OPA3: variants seen among roughly 807,000 people sequenced by gnomAD.
OPA3 encodes the protein outer mitochondrial membrane lipid metabolism regulator OPA3.
In OPA3, 6 loss-of-function variants were observed where a neutral mutation model predicts 4.0. That is an observed-to-expected ratio of 1.51 (90% CI 0.83 to 2.99). The LOEUF (loss-of-function observed/expected upper bound fraction) is 2.99, where lower values mean the gene tolerates loss of function less well. Ranked by LOEUF, OPA3 falls within the 30% of genes most tolerant of loss-of-function variation. The probability of loss-of-function intolerance (pLI) is 0.00; values close to 1 mark genes in which losing one functional copy is unlikely to be tolerated. For missense variants in OPA3, 235 were observed against 256.2 expected (o/e 0.92, Z 0.56); for synonymous variants, 105 against 117.1 (o/e 0.90, Z 0.67).
chr19:45,550,949 T>G lies in OPA3; in HGVS notation c.*2565A>C. On this transcript the variant is annotated 3_prime_UTR_variant, in exon 2 of 2. Transcript: ENST00000263275. The stretch of plus-strand genomic sequence containing the variant: ...CAGGAAGGCCAAATGGCCCGCGGGG[T>G]TGGCAGGAGTCCCAGGGTACTTTTT... 1.0e-6 allele frequency: 1 copy of G among 985,296 alleles called. No individual in the cohort carries two copies. Among genetic ancestry groups the G allele is most frequent in the Non-Finnish European group, 1.2e-6 (1 of 829,960 alleles). The allele number at this position is 985,296 out of a possible 1,614,324, so 61.0% of individuals were successfully genotyped here.
chr19:45,541,915 A>G (rs7251522), downstream of OPA3, among the ~76,000 whole-genome samples: 105,677 of 152,024 alleles, frequency 0.7, 37,074 homozygotes, highest in South Asian at 0.86. Flanking sequence ...GACCCCTAGG[A>G]TCCATGTTAG....
chr19:45,528,983 C>T lies in OPA3; in HGVS notation c.*73G>A. On this transcript the variant is annotated 3_prime_UTR_variant, in exon 2 of 2. Transcript: ENST00000323060. The stretch of plus-strand genomic sequence containing the variant: ...TGGGCCGGTCCAGGATGGGACAGTG[C>T]GGAGAATAGGCCAAGACAGAGACTT... 4 of 1,514,286 alleles carry T rather than the reference C, an allele frequency of 2.6e-6. No homozygotes were observed. In the Admixed American group the frequency reaches 8.1e-5, roughly 31 times the overall value. The allele number at this position is 1,514,286 out of a possible 1,614,324, so 93.8% of individuals were successfully genotyped here.
intron 1 of OPA3, among the ~76,000 whole-genome samples, chr19:45,567,781 T>G (rs1969605332): frequency 6.6e-6 from 1 of 152,204 alleles, no homozygotes; most frequent in South Asian, 2.1e-4. Flanking sequence ...TTTCTCTCGC[T>G]TTGAGAGATT....
rs1043211100 is a variant in OPA3, at chr19:45,549,045, T to C, written c.*4469A>G. On this transcript the variant is annotated 3_prime_UTR_variant, in exon 2 of 2. Coordinates refer to ENST00000263275, the MANE Select transcript of OPA3 (RefSeq NM_025136.4). Reference sequence around the variant, plus strand: ...GTCTTGAACTCCTGACCTCAGGTGATCCACCCACCCTGGCCTCCCAAAGTG... The same window carrying C: ...GTCTTGAACTCCTGACCTCAGGTGACCCACCCACCCTGGCCTCCCAAAGTG... 3 of 842,786 alleles carry C rather than the reference T, an allele frequency of 3.6e-6. No individual in the cohort carries two copies. The African/African-American group carries it at 5.5e-5, about 16-fold the overall frequency. The allele number at this position is 842,786 out of a possible 1,614,324, so 52.2% of individuals were successfully genotyped here.
chr19:45,537,386 G>A (rs1195767650), intron 1 of OPA3, among the ~76,000 whole-genome samples: 2 of 61,116 alleles, frequency 3.3e-5, no homozygotes, highest in African/African-American at 8.5e-5. Context: ...GACAGAGCAA[G>A]ACTCTGTCTC....
intron 1 of OPA3, among the ~76,000 whole-genome samples, chr19:45,556,388 ACT>A: frequency 6.6e-6 from 1 of 150,714 alleles, no homozygotes; most frequent in East Asian, 1.9e-4. Context: ...ATGGGCTCTC[ACT>A]CTGTGGTCCA....
chr19:45,550,096 TG>T lies in OPA3; in HGVS notation c.*3417del. 3.2e-6 allele frequency: 2 copies of T among 618,834 alleles called. No homozygotes were observed. The highest frequency in any genetic ancestry group is 4.0e-6 in the Non-Finnish European group (2 of 495,096). The allele number at this position is 618,834 out of a possible 1,614,324, so 38.3% of individuals were successfully genotyped here. ...TTGGTTGAGCCTGGGAGGTAGAAGT[TG>T]CAGTGAGCCGAGATTGCACCACTGC... On this transcript the variant is annotated 3_prime_UTR_variant, in exon 2 of 2. Transcript: ENST00000263275.
intron 1 of OPA3, among the ~76,000 whole-genome samples, chr19:45,581,317 A>G (rs939997655): frequency 5.3e-5 from 8 of 152,108 alleles, no homozygotes; most frequent in African/African-American, 1.9e-4. Context: ...GGGGGAAAAA[A>G]AGTGCACTCC....
At chr19:45,584,493 C>T in intron 1 of OPA3, 130 bp downstream of exon 1, 4 of 1,570,136 alleles carry the variant, frequency 2.5e-6, no homozygotes, top group Non-Finnish European at 3.5e-6. Context: ...CAGAAACCCC[C>T]CACTATTGGC....
intron 1 of OPA3, among the ~76,000 whole-genome samples, chr19:45,555,848 T>C (rs1969413623): frequency 6.6e-6 from 1 of 152,038 alleles, no homozygotes; most frequent in Non-Finnish European, 1.5e-5. Flanking sequence ...CCTAGGCTGG[T>C]CTTGAACTCC....
intron 1 of OPA3, among the ~76,000 whole-genome samples, chr19:45,582,839 A>C (rs552984741): frequency 6.6e-6 from 1 of 152,262 alleles, no homozygotes; most frequent in South Asian, 2.1e-4. Context: ...CATAATTTCT[A>C]ATCTTGTGGC....
chr19:45,566,059 C>T (rs1214803206), intron 1 of OPA3, among the ~76,000 whole-genome samples: 5 of 152,006 alleles, frequency 3.3e-5, no homozygotes, highest in Non-Finnish European at 7.4e-5. Context: ...TATTAGCAAA[C>T]GAAAGCCAGC....
chr19:45,575,768 T>C (rs977253461), intron 1 of OPA3, among the ~76,000 whole-genome samples: 2 of 152,056 alleles, frequency 1.3e-5, no homozygotes, highest in African/African-American at 2.4e-5. Flanking sequence ...CATGCCCCAC[T>C]AATTGTTTTT....
chr19:45,581,533 G>T (rs776676754), intron 1 of OPA3, among the ~76,000 whole-genome samples: 1 of 152,162 alleles, frequency 6.6e-6, no homozygotes, highest in Non-Finnish European at 1.5e-5. Flanking sequence ...TCTGTCCCCC[G>T]CAGGACTAGG....
At chr19:45,577,971 G>A (rs1969793193) in intron 1 of OPA3, among the ~76,000 whole-genome samples, 2 of 152,186 alleles carry the variant, frequency 1.3e-5, no homozygotes, top group Non-Finnish European at 2.9e-5. Flanking sequence ...AGATTTTGAG[G>A]CCAGGCGTGG....
Position 45,553,452 on chromosome 19 carries a change from G to T in OPA3, c.*62C>A. The T allele has an allele frequency of 1.2e-6, 2 of 1,606,050 alleles. No homozygotes were observed. The highest frequency in any genetic ancestry group is 1.1e-5 in the South Asian group (1 of 90,978). The stretch of plus-strand genomic sequence containing the variant: ...GGGCCAGCGCAGGCAAGGGTGGTGC[G>T]GGAAGAAGGCCACGTTAGGTACATA... On this transcript the variant is annotated 3_prime_UTR_variant, in exon 2 of 2. Coordinates refer to ENST00000263275, the MANE Select transcript of OPA3 (RefSeq NM_025136.4).
intron 1 of OPA3, chr19:45,584,393 C>G: frequency 2.0e-6 from 2 of 985,380 alleles, no homozygotes; most frequent in Non-Finnish European, 2.4e-6. Flanking sequence ...CCTTTATCGG[C>G]TGGCATTTCC....
chr19:45,555,822 G>A (rs1352450869), intron 1 of OPA3, among the ~76,000 whole-genome samples: 1 of 151,938 alleles, frequency 6.6e-6, no homozygotes, highest in African/African-American at 2.4e-5. Context: ...TAGAGATGGG[G>A]TTTATCAGTA....
chr19:45,549,907 C>T lies in OPA3; in HGVS notation c.*3607G>A, dbSNP rs1969306651. ...GCGCGGTGGCTCACGCCTGTAATCC[C>T]AGCACTTTGGGAGGCCGAGGCGGGC... is the stretch of plus-strand genomic sequence containing the variant. On this transcript the variant is annotated 3_prime_UTR_variant, in exon 2 of 2. Transcript: ENST00000263275. 1.0e-6 allele frequency: 1 copy of T among 982,068 alleles called. No homozygotes were observed. 60.8% of individuals were successfully genotyped at this position (982,068 alleles called of 1,614,324 possible). A position where few individuals can be genotyped will look rare whatever the true frequency, so the allele number is the denominator to read the frequency against.
Sources: allele counts gnomAD v4.1 joint callset (sites outside exome capture counted in the v4.1 genomes callset), GRCh38; gene constraint gnomAD v4.1.1; transcripts MANE v1.5; gene names NCBI Gene and HGNC (gene_info 2026-07-23, HGNC 2026-07-21).